TGFBR3: variants seen among roughly 807,000 people sequenced by gnomAD.
TGFBR3 encodes the protein transforming growth factor beta receptor 3.
A neutral mutation model predicts 87.9 loss-of-function variants in TGFBR3; 46 were observed. The observed-to-expected ratio is 0.52, with a 90% CI of 0.41 to 0.67. TGFBR3 has a LOEUF of 0.67. Among genes scored for constraint, TGFBR3 ranks in the 30% least tolerant of loss-of-function variants. The pLI, the probability that TGFBR3 is intolerant of heterozygous loss-of-function variation, is 0.00. For missense variants in TGFBR3, 866 were observed against 1,041.9 expected, an observed-to-expected ratio of 0.83 and a Z score of 2.32; for synonymous variants, 381 against 391.6, an observed-to-expected ratio of 0.97 and a Z score of 0.32.
rs892852232 is a variant in TGFBR3, at chr1:91,903,400, G to T, written c.-175+2426C>A. 4.2e-5 allele frequency among the ~76,000 whole-genome samples: 5 copies of T among 118,638 alleles called. 1 individual carries two copies. In the South Asian group the frequency reaches 1.2e-3, roughly 29 times the overall value. The allele number at this position is 118,638 out of a possible 152,430, so 77.8% of individuals were successfully genotyped here. ...CTGGACCTCTGTCTCATAAGAGAAA[G>T]AATTTATCATTCAGATAATGATTGT... On this transcript the variant is annotated intron_variant, in intron 1 of 17. Transcript: ENST00000370399.
At chr1:91,740,155 G>A (rs138127064) in intron 4 of TGFBR3, among the ~76,000 whole-genome samples, 3,787 of 152,228 alleles carry the variant, frequency 0.025, 142 homozygotes, top group African/African-American at 0.084. Context: ...CACCTCCCAG[G>A]TTCAAGAGAT....
chr1:91,702,366 G>A (rs1671649920), intron 14 of TGFBR3, among the ~76,000 whole-genome samples: 3 of 151,976 alleles, frequency 2.0e-5, no homozygotes, highest in Admixed American at 6.6e-5. Flanking sequence ...TGACCTAATC[G>A]CCGGGCGCGG....
At chr1:91,758,774 A>C in intron 3 of TGFBR3, 24 bp from the exon 4 acceptor site, 1 of 1,613,710 alleles carries the variant, frequency 6.2e-7, no homozygotes, top group Non-Finnish European at 8.5e-7. Flanking sequence ...GAAAGAGGGC[A>C]GAAATCTTAG....
At chr1:91,783,735 A>G (rs955219248) in intron 3 of TGFBR3, among the ~76,000 whole-genome samples, 1 of 152,258 alleles carries the variant, frequency 6.6e-6, no homozygotes, top group African/African-American at 2.4e-5. Flanking sequence ...AAAAAGCCAT[A>G]TTAAACAGGG....
Position 91,861,580 on chromosome 1 carries a change from G to C in TGFBR3, c.-49C>G. 1 of 1,444,572 alleles carries C rather than the reference G, an allele frequency of 6.9e-7. No homozygotes were observed. 89.5% of individuals were successfully genotyped at this position (1,444,572 alleles called of 1,614,324 possible). ...TCGTCCAGTCACTTCAGCCTGCTCA[G>C]AGCACAGACAATCTTTGCAAATCAG... On this transcript the variant is annotated 5_prime_UTR_variant, in exon 2 of 17. Transcript: ENST00000212355.
At chr1:91,868,071 C>A (rs997162383) in intron 1 of TGFBR3, among the ~76,000 whole-genome samples, 1 of 152,184 alleles carries the variant, frequency 6.6e-6, no homozygotes, top group Non-Finnish European at 1.5e-5. Context: ...GCATGTGCCA[C>A]CACGCCTGGC....
rs1265925488 is a variant in TGFBR3 at position 91,680,420 on chromosome 1, G to A, written c.*3319C>T. The A allele has an allele frequency of 2.2e-6, 1 of 453,846 alleles. No homozygotes were observed. The highest frequency in any genetic ancestry group is 2.0e-5 in the African/African-American group (1 of 49,972). The allele number at this position is 453,846 out of a possible 1,614,324, so 28.1% of individuals were successfully genotyped here. A position where few individuals can be genotyped will look rare whatever the true frequency, so the allele number is the denominator to read the frequency against. On this transcript the variant is annotated 3_prime_UTR_variant, in exon 17 of 17. Transcript: ENST00000212355. ...GTGGTTATCAAAACTATACATCTAA[G>A]CATCTTCACAAAATAGCTGACACAC...
At chr1:91,757,734 A>G (rs1192372535) in intron 4 of TGFBR3, among the ~76,000 whole-genome samples, 1 of 152,222 alleles carries the variant, frequency 6.6e-6, no homozygotes, top group African/African-American at 2.4e-5. Flanking sequence ...AGTTTTTAGA[A>G]GTACTCTTCA....
At chr1:91,828,313 G>A (rs1165494809) in intron 2 of TGFBR3, among the ~76,000 whole-genome samples, 1 of 152,036 alleles carries the variant, frequency 6.6e-6, no homozygotes, top group Non-Finnish European at 1.5e-5. Flanking sequence ...TCAATATTTT[G>A]GCTTCATTAA....
At chr1:91,732,377 C>A (rs1393145251) in intron 5 of TGFBR3, among the ~76,000 whole-genome samples, 4 of 152,126 alleles carry the variant, frequency 2.6e-5, no homozygotes, top group African/African-American at 9.7e-5. Flanking sequence ...GGTCCCACCC[C>A]CAGAGTTCCT....
chr1:91,822,542 A>T (rs1248920789), intron 2 of TGFBR3, among the ~76,000 whole-genome samples: 2 of 152,020 alleles, frequency 1.3e-5, no homozygotes, highest in East Asian at 3.9e-4. Flanking sequence ...CTTCTCACAG[A>T]CTTTGTTCTT....
rs34364302 is a variant in TGFBR3 at position 91,873,282 on chromosome 1, CTT to C, written c.-113-11640_-113-11639del. Among the ~76,000 whole-genome samples, 581 of 100,888 alleles carry C rather than the reference CTT, an allele frequency of 5.8e-3. 4 individuals are homozygous for C. Among genetic ancestry groups the C allele is most frequent in the African/African-American group, 0.02 (521 of 26,668 alleles). The allele number at this position is 100,888 out of a possible 152,430, so 66.2% of individuals were successfully genotyped here. On this transcript the variant is annotated intron_variant, in intron 1 of 16. Coordinates refer to ENST00000212355, the MANE Select transcript of TGFBR3 (RefSeq NM_003243.5). ...CATCACACCTGGCCAATTTTCCCTT[CTT>C]TTTTTTTTTTTTTTTTTTGAGATGG...
intron 2 of TGFBR3, among the ~76,000 whole-genome samples, chr1:91,804,448 C>T (rs17880679): frequency 6.6e-6 from 1 of 152,206 alleles, no homozygotes; most frequent in African/African-American, 2.4e-5. Flanking sequence ...CCCTTTCCCT[C>T]TGCCACAGCC....
At chr1:91,720,624 T>C (rs1672334410) in intron 8 of TGFBR3, among the ~76,000 whole-genome samples, 1 of 152,220 alleles carries the variant, frequency 6.6e-6, no homozygotes, top group South Asian at 2.1e-4. Flanking sequence ...CAATCATTAA[T>C]ATGTTTTAGT....
chr1:91,885,626 G>A (rs1176639952), intron 1 of TGFBR3, among the ~76,000 whole-genome samples: 1 of 152,202 alleles, frequency 6.6e-6, no homozygotes, highest in African/African-American at 2.4e-5. Flanking sequence ...CCAGCACTGC[G>A]CATCGCCGGG....
intron 2 of TGFBR3, among the ~76,000 whole-genome samples, chr1:91,808,668 G>A (rs878887857): frequency 6.6e-6 from 1 of 152,108 alleles, no homozygotes; most frequent in Non-Finnish European, 1.5e-5. Context: ...GTTTCACCAT[G>A]TTGGCCAGGC....
chr1:91,882,461 T>G (rs1481901921), intron 1 of TGFBR3, among the ~76,000 whole-genome samples: 3 of 151,258 alleles, frequency 2.0e-5, no homozygotes, highest in Admixed American at 2.0e-4. Context: ...AAAGTCAAGT[T>G]TGGCCAGGCA....
intron 1 of TGFBR3, among the ~76,000 whole-genome samples, chr1:91,862,833 A>G (rs887165259): frequency 6.6e-6 from 1 of 152,184 alleles, no homozygotes; most frequent in Non-Finnish European, 1.5e-5. Flanking sequence ...CATTTCCGGG[A>G]GCCATCTCAC....
At chr1:91,875,894 G>A (rs1212568668) in intron 1 of TGFBR3, among the ~76,000 whole-genome samples, 3 of 115,362 alleles carry the variant, frequency 2.6e-5, no homozygotes, top group Non-Finnish European at 4.9e-5. Context: ...CTGGGCAACA[G>A]AGTGAGACTC....
Sources: gnomAD v4.1 joint callset for allele counts (sites outside exome capture counted in the v4.1 genomes callset) on GRCh38, gnomAD v4.1.1 for gene constraint, MANE v1.5 for transcripts, NCBI Gene and HGNC (gene_info 2026-07-23, HGNC 2026-07-21) for gene names.